The following ZC3H14 variants were observed in gnomAD, a reference collection of about 807,000 sequenced individuals.
ZC3H14 encodes zinc finger CCCH domain-containing protein 14.
In ZC3H14, 31 loss-of-function variants were observed where a neutral mutation model predicts 92.4. That is an observed-to-expected ratio of 0.34 (90% CI 0.25 to 0.45). The LOEUF (loss-of-function observed/expected upper bound fraction) is 0.45, where lower values mean the gene tolerates loss of function less well. Among genes scored for constraint, ZC3H14 ranks in the 20% least tolerant of loss-of-function variants. The pLI, the probability that ZC3H14 is intolerant of heterozygous loss-of-function variation, is 1.00. For missense variants in ZC3H14, 781 were observed against 897.3 expected (o/e 0.87, Z 1.66); for synonymous variants, 321 against 300.9 (o/e 1.07, Z -0.69).
At position 88,617,068 on chromosome 14, in the gene ZC3H14, C is replaced by A; in HGVS notation, c.*5317C>A. 1 of 454,286 alleles carries A rather than the reference C, an allele frequency of 2.2e-6. No individual in the cohort carries two copies. Among genetic ancestry groups the A allele is most frequent in the Non-Finnish European group, 3.9e-6 (1 of 257,190 alleles). 28.1% of individuals were successfully genotyped at this position (454,286 alleles called of 1,614,324 possible). A position where few individuals can be genotyped will look rare whatever the true frequency, so the allele number is the denominator to read the frequency against. On this transcript the variant is annotated 3_prime_UTR_variant, in exon 17 of 17. Transcript: ENST00000251038. ...ATCAACTCCTGCCTTTTAAAAATGACATTTTATAATTTGAAGGGTTTCTAG... is the reference window on the plus strand; with the variant it reads ...ATCAACTCCTGCCTTTTAAAAATGAAATTTTATAATTTGAAGGGTTTCTAG...
chr14:88,609,171 CAAG>C, intron 13 of ZC3H14, 93 bp from the exon 14 acceptor site: 3 of 1,463,088 alleles, frequency 2.1e-6, no homozygotes, highest in Non-Finnish European at 2.8e-6. Context: ...TTTCTCAAAA[CAAG>C]TAGTGATGGG....
In ZC3H14 at chr14:88,616,777, T is replaced by A; in HGVS notation, c.*5026T>A. 1.9e-6 allele frequency: 3 copies of A among 1,613,930 alleles called. No individual in the cohort carries two copies. Among genetic ancestry groups the A allele is most frequent in the Non-Finnish European group, 2.5e-6 (3 of 1,179,858 alleles). ...ATAACTTAACCATGCCAAAGTCATC[T>A]CCTGTAACAAGACTGATTCCTGAAT... On this transcript the variant is annotated 3_prime_UTR_variant, in exon 17 of 17. Coordinates refer to ENST00000251038, the MANE Select transcript of ZC3H14 (RefSeq NM_024824.5).
At chr14:88,596,462 C>A (rs1201331870) in intron 9 of ZC3H14, among the ~76,000 whole-genome samples, 1 of 152,104 alleles carries the variant, frequency 6.6e-6, no homozygotes, top group Non-Finnish European at 1.5e-5. Context: ...CTTTACTTTC[C>A]CCGCAGAATT....
chr14:88,563,496 C>T (rs908756791), intron 1 of ZC3H14, 155 bp from the exon 2 acceptor site: 10 of 1,385,688 alleles, frequency 7.2e-6, no homozygotes, highest in Non-Finnish European at 8.8e-6. Flanking sequence ...GAGTGGGGTG[C>T]GGGGTGGGGG....
chr14:88,595,133 T>C (rs776263212), intron 9 of ZC3H14: 114 of 1,603,246 alleles, frequency 7.1e-5, no homozygotes, highest in Non-Finnish European at 9.1e-5. Context: ...ATATATGATA[T>C]GTTCTAGGTA....
In ZC3H14 at chr14:88,616,768, A is replaced by G. The variant is rs1202653478; in HGVS notation, c.*5017A>G. On this transcript the variant is annotated 3_prime_UTR_variant, in exon 17 of 17. Coordinates refer to ENST00000251038, the MANE Select transcript of ZC3H14 (RefSeq NM_024824.5). ...GGAAGTCAAATAACTTAACCATGCCAAAGTCATCTCCTGTAACAAGACTGA... is the reference window on the plus strand; with the variant it reads ...GGAAGTCAAATAACTTAACCATGCCGAAGTCATCTCCTGTAACAAGACTGA... 3.1e-6 allele frequency: 5 copies of G among 1,613,812 alleles called. No individual in the cohort carries two copies. In the Admixed American group the frequency reaches 6.7e-5, roughly 22 times the overall value.
In ZC3H14 at chr14:88,616,617, A is replaced by T. The variant is rs952757285; in HGVS notation, c.*4866A>T. ...TAAATAGATTTAGAAAGTTTGGGGA[A>T]AAATTTAGAAATTAGGACAAAACAT... On this transcript the variant is annotated 3_prime_UTR_variant, in exon 17 of 17. Transcript: ENST00000251038. 10 of 1,182,020 alleles carry T rather than the reference A, an allele frequency of 8.5e-6. No individual in the cohort carries two copies. In the Middle Eastern group the frequency reaches 8.7e-4, roughly 103 times the overall value. The allele number at this position is 1,182,020 out of a possible 1,614,324, so 73.2% of individuals were successfully genotyped here.
At chr14:88,563,535 C>G in intron 1 of ZC3H14, 116 bp from the exon 2 acceptor site, 1 of 1,582,586 alleles carries the variant, frequency 6.3e-7, no homozygotes, top group South Asian at 1.1e-5. Flanking sequence ...CTCCCAGCCC[C>G]CGCCCGGGGG....
Position 88,572,857 on chromosome 14 carries a change from G to A in ZC3H14, c.711G>A (p.Gln237=). ...TAAACAGGTTGCAATTTCAACAGCA[G>A]CAGAATAGTATTCATGCTGCCAAGC... ...VHLNRLQFQQ[Q]QNSIHAAKQL... is the part of the protein sequence containing the mutation. The change falls in exon 6 of 17, where the codon CAG becomes CAA. Residue 237 remains glutamine, a synonymous_variant. Transcript: ENST00000251038. 1 of 1,614,208 alleles carries A rather than the reference G, an allele frequency of 6.2e-7. No homozygotes were observed. The highest frequency in any genetic ancestry group is 8.5e-7 in the Non-Finnish European group (1 of 1,180,046).
At chr14:88,571,570 C>G (rs1000761733) in intron 4 of ZC3H14, among the ~76,000 whole-genome samples, 12 of 152,086 alleles carry the variant, frequency 7.9e-5, no homozygotes, top group African/African-American at 2.4e-4. Context: ...GAAAAATCAC[C>G]TTTGAGATAA....
chr14:88,609,117 TG>T, intron 13 of ZC3H14, 149 bp from the exon 14 acceptor site: 2 of 907,660 alleles, frequency 2.2e-6, no homozygotes, highest in Non-Finnish European at 3.3e-6. Context: ...TTTTGATATA[TG>T]GTCTTATTTT....
chr14:88,571,343 G>A lies in ZC3H14; in HGVS notation c.235+219G>A, dbSNP rs2080361455. On this transcript the variant is annotated intron_variant, in intron 4 of 16. Coordinates refer to ENST00000251038, the MANE Select transcript of ZC3H14 (RefSeq NM_024824.5). ...GAGGGAGCAGTGCACTTTATCCGAA[G>A]GAAATAATTACATATATGTGCAAAG... Among the ~76,000 whole-genome samples the A allele has an allele frequency of 2.6e-5, 4 of 151,714 alleles. No homozygotes were observed. In the South Asian group the frequency reaches 8.3e-4, roughly 32 times the overall value.
chr14:88,602,109 G>T, intron 11 of ZC3H14, 26 bp downstream of exon 11: 1 of 1,613,014 alleles, frequency 6.2e-7, no homozygotes, highest in Non-Finnish European at 8.5e-7. Flanking sequence ...TTCTTGTGTA[G>T]TTAATTTGTG....
In ZC3H14 at chr14:88,615,841, T is replaced by C. The variant is rs761443862; in HGVS notation, c.*4090T>C. The C allele has an allele frequency of 2.5e-6, 4 of 1,611,786 alleles. No individual in the cohort carries two copies. Among genetic ancestry groups the C allele is most frequent in the Non-Finnish European group, 3.4e-6 (4 of 1,179,060 alleles). On this transcript the variant is annotated 3_prime_UTR_variant, in exon 17 of 17. Coordinates refer to ENST00000251038, the MANE Select transcript of ZC3H14 (RefSeq NM_024824.5). ...TCTCAGTGAGGTGTATGTACACATT[T>C]CCAGACAAATAAGCTGCAATCAGAG...
rs1275044840 is a variant in ZC3H14, at chr14:88,613,808, C to T, written c.*2057C>T. On this transcript the variant is annotated 3_prime_UTR_variant, in exon 17 of 17. Coordinates refer to ENST00000251038, the MANE Select transcript of ZC3H14 (RefSeq NM_024824.5). ...CACAATCAGGAGCTTAGATACTGCA[C>T]ACAAAAATAATTATCTGGGTTAAAA... 1 of 152,188 alleles carries T rather than the reference C, an allele frequency of 6.6e-6. No homozygotes were observed. Among genetic ancestry groups the T allele is most frequent in the African/African-American group, 2.4e-5 (1 of 41,448 alleles). The allele number at this position is 152,188 out of a possible 1,614,324, so 9.4% of individuals were successfully genotyped here. A position where few individuals can be genotyped will look rare whatever the true frequency, so the allele number is the denominator to read the frequency against.
chr14:88,601,924 A>C lies in ZC3H14; in HGVS notation c.1355A>C (p.Asp452Ala). Residue 452 changes from aspartate to alanine, a missense_variant and splice_region_variant, in exon 11 of 17, where the codon GAT (aspartate) becomes GCT (alanine). Around this residue, in one of 3 missense-constraint regions of ZC3H14, gnomAD observed 454 missense variants for 438.5 expected, o/e 1.04. Transcript: ENST00000251038. ...VMAETLQMSQ[D>A]YYDMESMVHA... ...TTTGTGGCCAATTTTTTTGGCTCAG[A>C]TTACTATGACATGGAATCCATGGTC... is the stretch of plus-strand genomic sequence containing the variant. 6.2e-7 allele frequency: 1 copy of C among 1,613,990 alleles called. No individual in the cohort carries two copies. Among genetic ancestry groups the C allele is most frequent in the Non-Finnish European group, 8.5e-7 (1 of 1,179,888 alleles).
In ZC3H14 at chr14:88,580,665, CTG is replaced by C. The variant is rs370731482; in HGVS notation, c.1279+2527_1279+2528del. 1.8e-3 allele frequency among the ~76,000 whole-genome samples: 267 copies of C among 152,278 alleles called. 1 individual carries two copies. The highest frequency in any genetic ancestry group is 3.3e-3 in the Non-Finnish European group (222 of 68,020). ...TTCAGAGGAACAGAGCAAACATTAA[CTG>C]TCTTTCAAGAAAACTTTCATGAAGT... is the stretch of plus-strand genomic sequence containing the variant. On this transcript the variant is annotated intron_variant, in intron 9 of 16. Coordinates refer to ENST00000251038, the MANE Select transcript of ZC3H14 (RefSeq NM_024824.5).
chr14:88,612,956 T>C lies in ZC3H14; in HGVS notation c.*1205T>C, dbSNP rs1463117313. On this transcript the variant is annotated 3_prime_UTR_variant, in exon 17 of 17. Transcript: ENST00000251038. Reference sequence around the variant, plus strand: ...AAAAGGGGTAATAAAGACTGCAACATTCTCAGGACCAAATTAAACTGCTAA... The same window carrying C: ...AAAAGGGGTAATAAAGACTGCAACACTCTCAGGACCAAATTAAACTGCTAA... 1 of 149,822 alleles carries C rather than the reference T, an allele frequency of 6.7e-6. No individual in the cohort carries two copies. Among genetic ancestry groups the C allele is most frequent in the Admixed American group, 6.8e-5 (1 of 14,608 alleles). The allele number at this position is 149,822 out of a possible 1,614,324, so 9.3% of individuals were successfully genotyped here. A position where few individuals can be genotyped will look rare whatever the true frequency, so the allele number is the denominator to read the frequency against.
Position 88,614,260 on chromosome 14 carries a change from AG to A in ZC3H14, c.*2510del, listed in dbSNP as rs1387213254. On this transcript the variant is annotated 3_prime_UTR_variant, in exon 17 of 17. Transcript: ENST00000251038. ...GTAAATACATGAGTAGAAACTTAAT[AG>A]TCATGTATTTCAAAATTTGGCTTAA... is the stretch of plus-strand genomic sequence containing the variant. 6.6e-6 allele frequency: 1 copy of A among 152,166 alleles called. No homozygotes were observed. Among genetic ancestry groups the A allele is most frequent in the East Asian group, 1.9e-4 (1 of 5,202 alleles). The allele number at this position is 152,166 out of a possible 1,614,324, so 9.4% of individuals were successfully genotyped here.
Sources: allele counts gnomAD v4.1 joint callset (sites outside exome capture counted in the v4.1 genomes callset), GRCh38; gene constraint gnomAD v4.1.1; regional missense constraint gnomAD v4.1.1; transcripts MANE v1.5; gene names NCBI Gene and HGNC (gene_info 2026-07-23, HGNC 2026-07-21).